Variants in GTF2E2 observed in about 807,000 individuals in gnomAD.
GTF2E2 encodes transcription initiation factor IIE subunit beta.
A neutral mutation model predicts 40.5 loss-of-function variants in GTF2E2; 21 were observed. The ratio of observed to expected loss-of-function variants is 0.52; its 90% CI spans 0.37 to 0.75. GTF2E2 has a LOEUF of 0.75. Ranked by LOEUF, GTF2E2 falls within the 30% of genes least tolerant of loss-of-function variation. The probability of loss-of-function intolerance (pLI) is 0.00; values close to 1 mark genes in which losing one functional copy is unlikely to be tolerated. For synonymous variants in GTF2E2, 117 were observed against 121.6 expected (o/e 0.96, Z 0.25); for missense variants, 298 against 338.4 (o/e 0.88, Z 0.94).
intron 3 of GTF2E2, among the ~76,000 whole-genome samples, chr8:30,623,419 C>A (rs1258126811): frequency 2.6e-5 from 4 of 152,164 alleles, no homozygotes; most frequent in Admixed American, 2.6e-4. Flanking sequence ...TGTATATGTG[C>A]CACATTTTCT....
intron 3 of GTF2E2, among the ~76,000 whole-genome samples, chr8:30,634,760 C>T (rs1801535181): frequency 1.3e-5 from 2 of 152,060 alleles, no homozygotes; most frequent in Non-Finnish European, 2.9e-5. Flanking sequence ...ATACCTACTG[C>T]CTAGGCACAC....
rs761671022 is a variant in GTF2E2, at chr8:30,623,188, G to T, written c.259-8473C>A. On this transcript the variant is annotated intron_variant, in intron 3 of 7. Transcript: ENST00000355904. ...TGTCCATGAAATCTTCACAATCCAC[G>T]TTCTTCTGCCATGGTTTCAGTCGGT... Among the ~76,000 whole-genome samples, 4 of 152,040 alleles carry T rather than the reference G, an allele frequency of 2.6e-5. No individual in the cohort carries two copies. In the East Asian group the frequency reaches 5.8e-4, roughly 22 times the overall value.
At chr8:30,647,576 C>T (rs1199050558) in intron 2 of GTF2E2, among the ~76,000 whole-genome samples, 2 of 152,120 alleles carry the variant, frequency 1.3e-5, no homozygotes, top group Admixed American at 6.5e-5. Context: ...AGTGAAACTC[C>T]GTCTCAAACA....
At chr8:30,613,797 C>T (rs1457922481) in intron 4 of GTF2E2, among the ~76,000 whole-genome samples, 1 of 152,194 alleles carries the variant, frequency 6.6e-6, no homozygotes, top group Admixed American at 6.5e-5. Context: ...AAGTAGTCTT[C>T]TTAGTTTTCA....
chr8:30,622,443 T>C (rs1260163455), intron 3 of GTF2E2, among the ~76,000 whole-genome samples: 1 of 150,542 alleles, frequency 6.6e-6, no homozygotes, highest in Non-Finnish European at 1.5e-5. Flanking sequence ...GATAATAGAG[T>C]ATCACAAGGC....
intron 3 of GTF2E2, among the ~76,000 whole-genome samples, 175 bp downstream of exon 3, chr8:30,634,857 T>G (rs1801538279): frequency 6.6e-6 from 1 of 152,192 alleles, no homozygotes; most frequent in Non-Finnish European, 1.5e-5. Flanking sequence ...CAATGCCAAA[T>G]TAATACAATG....
At chr8:30,647,554 C>G (rs1199657914) in intron 2 of GTF2E2, among the ~76,000 whole-genome samples, 2 of 152,196 alleles carry the variant, frequency 1.3e-5, no homozygotes, top group Admixed American at 6.5e-5. Context: ...GCACTCCAGC[C>G]TGAACAACAA....
chr8:30,647,967 G>A (rs1465897337), intron 2 of GTF2E2, among the ~76,000 whole-genome samples: 1 of 152,138 alleles, frequency 6.6e-6, no homozygotes, highest in South Asian at 2.1e-4. Context: ...AAGGAACCAC[G>A]TCACTACAAT....
At chr8:30,591,629 T>C (rs1828854565) in intron 6 of GTF2E2, among the ~76,000 whole-genome samples, 1 of 152,102 alleles carries the variant, frequency 6.6e-6, no homozygotes, top group South Asian at 2.1e-4. Context: ...CTAAAATCAG[T>C]GTTGGCAAGG....
At chr8:30,589,303 TC>T (rs1176974610) in intron 6 of GTF2E2, among the ~76,000 whole-genome samples, 1 of 152,176 alleles carries the variant, frequency 6.6e-6, no homozygotes, top group Non-Finnish European at 1.5e-5. Flanking sequence ...ACACCTGTAA[TC>T]CCAGTACTTT....
chr8:30,622,367 G>C (rs1293391520), intron 3 of GTF2E2, among the ~76,000 whole-genome samples: 1 of 151,974 alleles, frequency 6.6e-6, no homozygotes, highest in African/African-American at 2.4e-5. Context: ...GTTTTTACTA[G>C]GGACTTTCAA....
intron 6 of GTF2E2, among the ~76,000 whole-genome samples, chr8:30,586,439 T>C (rs955991247): frequency 6.6e-6 from 1 of 152,174 alleles, no homozygotes; most frequent in Non-Finnish European, 1.5e-5. Context: ...TTGGAAGAAT[T>C]AATACTGTTA....
intron 3 of GTF2E2, among the ~76,000 whole-genome samples, chr8:30,621,986 A>G (rs1051509102): frequency 6.6e-6 from 1 of 150,902 alleles, no homozygotes; most frequent in African/African-American, 2.4e-5. Context: ...ATATTTTTTT[A>G]TTATACTTTA....
At chr8:30,647,031 A>G (rs1322506334) in intron 2 of GTF2E2, among the ~76,000 whole-genome samples, 1 of 150,846 alleles carries the variant, frequency 6.6e-6, no homozygotes, top group Non-Finnish European at 1.5e-5. Flanking sequence ...GGCAAGATAG[A>G]CAAGTATTTA....
intron 6 of GTF2E2, among the ~76,000 whole-genome samples, chr8:30,588,302 C>CAA (rs781096128): frequency 6.6e-6 from 1 of 151,984 alleles, no homozygotes; most frequent in Non-Finnish European, 1.5e-5. Context: ...TTACAACAGT[C>CAA]GAGATAAAGA....
At chr8:30,628,134 T>TC (rs563811931) in intron 3 of GTF2E2, among the ~76,000 whole-genome samples, 197 of 152,312 alleles carry the variant, frequency 1.3e-3, no homozygotes, top group African/African-American at 4.6e-3. Flanking sequence ...CAGTACTTTC[T>TC]CCCTCTTTCA....
At chr8:30,583,802 ATTTATTTAT>A (rs1828588414) in intron 6 of GTF2E2, among the ~76,000 whole-genome samples, 1 of 149,564 alleles carries the variant, frequency 6.7e-6, no homozygotes, top group African/African-American at 2.5e-5. Context: ...TATTTATTTT[ATTTATTTAT>A]TTTATTTATT....
intron 3 of GTF2E2, among the ~76,000 whole-genome samples, chr8:30,625,036 A>AAC (rs2151139105): frequency 6.6e-6 from 1 of 152,040 alleles, no homozygotes; most frequent in East Asian, 1.9e-4. Flanking sequence ...CAGAACTTCC[A>AAC]ACACTATGTT....
At position 30,612,352 on chromosome 8, in the gene GTF2E2, TTCC is replaced by T. The variant is rs1337184922; in HGVS notation, c.493_495del (p.Gly165del). 6.2e-7 allele frequency: 1 copy of T among 1,613,128 alleles called. No homozygotes were observed. The highest frequency in any genetic ancestry group is 1.7e-5 in the Admixed American group (1 of 60,010). On this transcript the variant is annotated inframe_deletion, in exon 5 of 8. Transcript: ENST00000355904. The stretch of plus-strand genomic sequence containing the variant: ...GCTTCTTCTATGTCTTCTAAAAGAA[TTCC>T]TCCTAATCCTCGCTGGTCATGCTGA...
Sources: gnomAD v4.1 joint callset for allele counts (sites outside exome capture counted in the v4.1 genomes callset) on GRCh38, gnomAD v4.1.1 for gene constraint, MANE v1.5 for transcripts, NCBI Gene and HGNC (gene_info 2026-07-23, HGNC 2026-07-21) for gene names.